BMAL2: variants seen among roughly 807,000 people sequenced by gnomAD.
The protein encoded by BMAL2 is basic helix-loop-helix ARNT-like protein 2.
At chr12:27,380,163 C>T in the BMAL2 span, 1 of 1,385,160 alleles carries the variant, frequency 7.2e-7, no homozygotes, top group Non-Finnish European at 1.0e-6. Context: ...CTGCTGGGCT[C>T]AGCATCTGCT....
the BMAL2 span, among the ~76,000 whole-genome samples, chr12:27,407,427 G>C: frequency 6.6e-6 from 1 of 152,076 alleles, no homozygotes; most frequent in Non-Finnish European, 1.5e-5. Context: ...CTAGAACTCA[G>C]GATTAAGAAG....
At chr12:27,344,344 C>T in the BMAL2 span, among the ~76,000 whole-genome samples, 1 of 152,202 alleles carries the variant, frequency 6.6e-6, no homozygotes, top group African/African-American at 2.4e-5. Flanking sequence ...TTGAGAGCAT[C>T]TGAGGTCTTT....
At chr12:27,375,926 C>A in the BMAL2 span, among the ~76,000 whole-genome samples, 1 of 152,172 alleles carries the variant, frequency 6.6e-6, no homozygotes, top group African/African-American at 2.4e-5. Flanking sequence ...GATTAAAGGT[C>A]TGGGATTCTT....
At chr12:27,401,643 G>C in the BMAL2 span, 11 of 1,608,384 alleles carry the variant, frequency 6.8e-6, 1 homozygote, top group South Asian at 1.2e-4. Context: ...AAAAGAACTG[G>C]AATATATTGT....
At chr12:27,422,746 A>G in the BMAL2 span, 1 of 152,268 alleles carries the variant, frequency 6.6e-6, no homozygotes, top group Non-Finnish European at 1.5e-5. Context: ...CTGCCTACCA[A>G]TATCACTTTT....
chr12:27,386,403 A>G, the BMAL2 span, among the ~76,000 whole-genome samples: 1 of 152,178 alleles, frequency 6.6e-6, no homozygotes, highest in East Asian at 1.9e-4. Context: ...ACCCGCTTCC[A>G]TGCAGGCTGC....
chr12:27,405,967 T>C, the BMAL2 span, among the ~76,000 whole-genome samples: 1 of 152,196 alleles, frequency 6.6e-6, no homozygotes, highest in Non-Finnish European at 1.5e-5. Flanking sequence ...AGTAGCCAAT[T>C]CGATCAACTG....
chr12:27,388,240 G>A, the BMAL2 span, among the ~76,000 whole-genome samples: 2,478 of 152,236 alleles, frequency 0.016, 30 homozygotes, highest in Non-Finnish European at 0.028. Context: ...GCTGCTCAGG[G>A]GCATGTAGGG....
the BMAL2 span, among the ~76,000 whole-genome samples, chr12:27,365,721 A>ATT: frequency 1.1e-4 from 16 of 149,152 alleles, no homozygotes; most frequent in South Asian, 1.5e-3. Flanking sequence ...ATGACCCCAA[A>ATT]TTTTTTTTTT....
chr12:27,376,936 GC>G, the BMAL2 span, among the ~76,000 whole-genome samples: 1 of 143,260 alleles, frequency 7.0e-6, no homozygotes, highest in African/African-American at 2.7e-5. Context: ...GGGAGGCAGA[GC>G]TTGCAGTGAG....
the BMAL2 span, among the ~76,000 whole-genome samples, chr12:27,410,521 C>A: frequency 6.6e-6 from 1 of 152,160 alleles, no homozygotes; most frequent in African/African-American, 2.4e-5. Flanking sequence ...CGCATGTTCT[C>A]ACTCATAGGT....
the BMAL2 span, among the ~76,000 whole-genome samples, chr12:27,339,544 A>G: frequency 1.3e-5 from 2 of 152,100 alleles, no homozygotes; most frequent in African/African-American, 2.4e-5. Flanking sequence ...GCTTTCCACA[A>G]TGGTTGAACT....
chr12:27,390,137 C>T, the BMAL2 span: 4 of 1,614,002 alleles, frequency 2.5e-6, no homozygotes, highest in Non-Finnish European at 3.4e-6. Context: ...TGGAAGGACA[C>T]GTGTGTATTC....
At chr12:27,363,849 C>A in the BMAL2 span, among the ~76,000 whole-genome samples, 1 of 152,090 alleles carries the variant, frequency 6.6e-6, no homozygotes, top group Non-Finnish European at 1.5e-5. Flanking sequence ...ATTGTTTTTA[C>A]ATTTTATGTC....
chr12:27,406,679 A>G, the BMAL2 span, among the ~76,000 whole-genome samples: 3 of 152,250 alleles, frequency 2.0e-5, no homozygotes, highest in Non-Finnish European at 2.9e-5. Flanking sequence ...AAGAAACTGC[A>G]TCAGCTAACG....
chr12:27,376,483 C>A, the BMAL2 span: 2 of 1,052,786 alleles, frequency 1.9e-6, no homozygotes, highest in Non-Finnish European at 2.8e-6. Flanking sequence ...GGTAGAAGGG[C>A]TTGAAGATGA....
chr12:27,352,537 TTCAACATAAACCACTCCTAC>T, the BMAL2 span, among the ~76,000 whole-genome samples: 1 of 150,766 alleles, frequency 6.6e-6, no homozygotes, highest in Admixed American at 6.7e-5. Flanking sequence ...ACCACTCCTA[TTCAACATAAACCACTCCTAC>T]TCAACATAGT....
the BMAL2 span, chr12:27,424,102 TTTAC>T: frequency 5.9e-5 from 9 of 152,352 alleles, no homozygotes; most frequent in South Asian, 1.2e-3. Flanking sequence ...CTTGTATCTT[TTTAC>T]TTTTTTAATG....
the BMAL2 span, among the ~76,000 whole-genome samples, chr12:27,334,492 A>C: frequency 6.6e-6 from 1 of 152,196 alleles, no homozygotes; most frequent in Non-Finnish European, 1.5e-5. Context: ...TTGCTTTGTG[A>C]AATTGGTGAG....
Sources: gnomAD v4.1 joint callset for allele counts (sites outside exome capture counted in the v4.1 genomes callset) on GRCh38, gnomAD v4.1.1 for gene constraint, MANE v1.5 for transcripts, NCBI Gene and HGNC (gene_info 2026-07-23, HGNC 2026-07-21) for gene names.